LARGE1: variants seen among roughly 807,000 people sequenced by gnomAD.
The protein encoded by LARGE1 is LARGE xylosyl- and glucuronyltransferase 1.
LARGE1 carries 43 observed loss-of-function variants against 87.6 expected under a neutral mutation model. The ratio of observed to expected loss-of-function variants is 0.49; its 90% CI spans 0.38 to 0.63. The LOEUF is 0.63. Ranked by LOEUF, LARGE1 falls within the 30% of genes least tolerant of loss-of-function variation. The probability of loss-of-function intolerance (pLI) is 0.00; values close to 1 mark genes in which losing one functional copy is unlikely to be tolerated. For synonymous variants in LARGE1, 434 were observed against 394.6 expected (o/e 1.10, Z -1.18); for missense variants, 802 against 1,000.2 (o/e 0.80, Z 2.67).
chr22:33,141,202 A>ACT, the LARGE1 span, among the ~76,000 whole-genome samples: 2 of 151,014 alleles, frequency 1.3e-5, no homozygotes. Flanking sequence ...TCTCACACAC[A>ACT]CACACACACA....
At chr22:33,254,691 G>A (rs778931680) in intron 11 of LARGE1, among the ~76,000 whole-genome samples, 2 of 152,124 alleles carry the variant, frequency 1.3e-5, no homozygotes, top group South Asian at 2.1e-4. Flanking sequence ...TGCCTCACTG[G>A]GTTGCTAGAA....
At chr22:33,421,056 A>G (rs2066674216) in intron 7 of LARGE1, among the ~76,000 whole-genome samples, 1 of 152,014 alleles carries the variant, frequency 6.6e-6, no homozygotes, top group Admixed American at 6.6e-5. Context: ...AGGTGTGGTG[A>G]TGCATGCCTG....
At chr22:33,156,430 G>A in the LARGE1 span, among the ~76,000 whole-genome samples, 1 of 152,300 alleles carries the variant, frequency 6.6e-6, no homozygotes, top group South Asian at 2.1e-4. Context: ...TGTGAGACAT[G>A]GAGTCAAAGG....
intron 3 of LARGE1, among the ~76,000 whole-genome samples, chr22:33,643,746 C>G (rs568222675): frequency 1.3e-5 from 2 of 152,154 alleles, no homozygotes; most frequent in South Asian, 2.1e-4. Flanking sequence ...ACTGATTCCA[C>G]AGAAATACAA....
chr22:33,800,546 A>G (rs1477233783), intron 1 of LARGE1, among the ~76,000 whole-genome samples: 1 of 152,142 alleles, frequency 6.6e-6, no homozygotes, highest in Non-Finnish European at 1.5e-5. Context: ...ATGCTACCCC[A>G]TTATACTCAC....
chr22:33,691,314 G>A (rs2082092905), intron 2 of LARGE1, among the ~76,000 whole-genome samples: 1 of 152,012 alleles, frequency 6.6e-6, no homozygotes, highest in African/African-American at 2.4e-5. Flanking sequence ...CTCGTCAGGA[G>A]AAATGGTTTC....
At position 33,594,322 on chromosome 22, in the gene LARGE1, A is replaced by G. The variant is rs190763062; in HGVS notation, c.615+10113T>C. 1.3e-4 allele frequency among the ~76,000 whole-genome samples: 20 copies of G among 152,190 alleles called. No individual in the cohort carries two copies. In the East Asian group the frequency reaches 3.5e-3, roughly 26 times the overall value. On this transcript the variant is annotated intron_variant, in intron 5 of 14. Transcript: ENST00000397394. ...CCATAGTTTTCATTAACTTTTTCCAACAACACCTCAGCCACTCAATCCCAG... is the reference window on the plus strand; with the variant it reads ...CCATAGTTTTCATTAACTTTTTCCAGCAACACCTCAGCCACTCAATCCCAG...
chr22:33,535,802 A>C (rs995196915), intron 6 of LARGE1, among the ~76,000 whole-genome samples: 1 of 151,938 alleles, frequency 6.6e-6, no homozygotes, highest in African/African-American at 2.4e-5. Flanking sequence ...GGGATCGCTG[A>C]TCTGTGATGT....
At position 33,575,944 on chromosome 22, in the gene LARGE1, A is replaced by C. The variant is rs146347196; in HGVS notation, c.616-10925T>G. On this transcript the variant is annotated intron_variant, in intron 5 of 14. Transcript: ENST00000397394. The stretch of plus-strand genomic sequence containing the variant: ...TTTACAGACTGCCTGAACATCCTTC[A>C]GTACTTTATGTTATGAAATGGAGCA... Among the ~76,000 whole-genome samples the C allele has an allele frequency of 3.9e-5, 6 of 152,326 alleles. 1 individual carries two copies. In the East Asian group the frequency reaches 1.2e-3, roughly 29 times the overall value.
intron 1 of LARGE1, among the ~76,000 whole-genome samples, chr22:33,807,277 T>C (rs1158155687): frequency 2.0e-5 from 3 of 152,050 alleles, no homozygotes; most frequent in African/African-American, 4.8e-5. Flanking sequence ...TGGGATTAAA[T>C]AAATTAATCT....
intron 1 of LARGE1, among the ~76,000 whole-genome samples, chr22:33,839,833 A>G (rs142505858): frequency 5.3e-5 from 8 of 152,358 alleles, no homozygotes; most frequent in African/African-American, 1.9e-4. Flanking sequence ...CACCTCATCT[A>G]ACTTTCATGC....
At chr22:33,810,260 G>A (rs2086450763) in intron 1 of LARGE1, among the ~76,000 whole-genome samples, 1 of 152,182 alleles carries the variant, frequency 6.6e-6, no homozygotes, top group African/African-American at 2.4e-5. Flanking sequence ...AGATCATATA[G>A]CTAGCAAGTG....
chr22:33,662,377 C>A (rs1447487580), intron 2 of LARGE1, among the ~76,000 whole-genome samples: 1 of 152,186 alleles, frequency 6.6e-6, no homozygotes, highest in Admixed American at 6.5e-5. Flanking sequence ...TGAGGATGGA[C>A]TTGACTTGCA....
At chr22:33,169,266 G>A (rs933114944) in intron 11 of LARGE1, among the ~76,000 whole-genome samples, 1 of 152,084 alleles carries the variant, frequency 6.6e-6, no homozygotes, top group Admixed American at 6.6e-5. Flanking sequence ...CGTATAATGA[G>A]GTAGTAAAAC....
intron 6 of LARGE1, among the ~76,000 whole-genome samples, chr22:33,442,558 G>A (rs143404172): frequency 3.3e-5 from 5 of 152,262 alleles, no homozygotes; most frequent in Admixed American, 6.5e-5. Context: ...TCTGTACTGC[G>A]CAGAAGACTA....
chr22:33,686,235 T>C (rs1177358256), intron 2 of LARGE1, among the ~76,000 whole-genome samples: 1 of 152,028 alleles, frequency 6.6e-6, no homozygotes, highest in South Asian at 2.1e-4. Context: ...TCCCTCCCTG[T>C]GAACTGGAGC....
At chr22:33,515,203 C>T (rs2071246520) in intron 6 of LARGE1, among the ~76,000 whole-genome samples, 1 of 152,010 alleles carries the variant, frequency 6.6e-6, no homozygotes, top group African/African-American at 2.4e-5. Flanking sequence ...CTCTTGACCC[C>T]AAAGCCACAC....
chr22:33,250,678 C>T (rs749992804), intron 11 of LARGE1, among the ~76,000 whole-genome samples: 1 of 152,170 alleles, frequency 6.6e-6, no homozygotes, highest in Non-Finnish European at 1.5e-5. Context: ...AAATTCATCT[C>T]TATTCATACT....
intron 12 of LARGE1, among the ~76,000 whole-genome samples, chr22:33,288,864 C>T (rs1253432903): frequency 1.3e-5 from 2 of 152,204 alleles, no homozygotes; most frequent in Non-Finnish European, 2.9e-5. Flanking sequence ...TGCCTATGCA[C>T]AGGTTCAAAG....
Sources: allele counts gnomAD v4.1 joint callset (sites outside exome capture counted in the v4.1 genomes callset), GRCh38; gene constraint gnomAD v4.1.1; transcripts MANE v1.5; gene names NCBI Gene and HGNC (gene_info 2026-07-23, HGNC 2026-07-21).